The following SYNE1 variants were observed in gnomAD, a reference collection of about 807,000 sequenced individuals.
SYNE1 encodes the protein nesprin-1.
SYNE1 carries 616 observed loss-of-function variants against 1,111.0 expected under a neutral mutation model. The ratio of observed to expected loss-of-function variants is 0.55; its 90% CI spans 0.52 to 0.59. The LOEUF (loss-of-function observed/expected upper bound fraction) is 0.59, where lower values mean the gene tolerates loss of function less well. Ranked by LOEUF, SYNE1 falls within the 20% of genes least tolerant of loss-of-function variation. SYNE1 has a pLI of 0.00. For synonymous variants in SYNE1, 3,855 were observed against 3,825.8 expected (o/e 1.01, Z -0.28); for missense variants, 10,006 against 10,417.0 (o/e 0.96, Z 1.72).
In SYNE1 at chr6:152,362,255, A is replaced by C. The variant is rs1483121853; in HGVS notation, c.10214T>G (p.Met3405Arg). Residue 3405 changes from methionine (M) to arginine (R), a missense_variant, in exon 64 of 146, where the codon ATG becomes AGG. By Grantham distance (91) the Met-to-Arg change is moderately conservative. Transcript: ENST00000367255. Reference sequence around the variant, plus strand: ...ATTCAGGTTGGCTTCCATACTATCCATCCAACCGGAGAACTGTCGAACGCC... The same window carrying C: ...ATTCAGGTTGGCTTCCATACTATCCCTCCAACCGGAGAACTGTCGAACGCC... ...QDGVRQFSGW[M>R]DSMEANLNES... is the part of the protein sequence containing the mutation. 1 of 1,614,188 alleles carries C rather than the reference A, an allele frequency of 6.2e-7. No individual in the cohort carries two copies. The highest frequency in any genetic ancestry group is 8.5e-7 in the Non-Finnish European group (1 of 1,180,042).
rs571144659 is a variant in SYNE1 at position 152,585,889 on chromosome 6, A to G, written c.67+42376T>C. On this transcript the variant is annotated intron_variant, in intron 3 of 145. Coordinates refer to ENST00000367255, the MANE Select transcript of SYNE1 (RefSeq NM_182961.4). ...TATTTAAACCTTTGGTCTGCTTGAA[A>G]TCGCATGTGTTTGTGTTTGTGTGTA... Among the ~76,000 whole-genome samples, 6 of 152,188 alleles carry G rather than the reference A, an allele frequency of 3.9e-5. 1 individual carries two copies. The highest frequency in any genetic ancestry group is 1.4e-4 in the African/African-American group (6 of 41,540).
chr6:152,404,116 T>TATATATATAA, intron 46 of SYNE1, 97 bp downstream of exon 46: 1 of 616,588 alleles, frequency 1.6e-6, no homozygotes, highest in East Asian at 3.4e-5. Context: ...TATATATATA[T>TATATATATAA]ACACACACAC....
At position 152,334,035 on chromosome 6, in the gene SYNE1, A is replaced by C. The variant is rs775066372; in HGVS notation, c.12767T>G (p.Phe4256Cys). 6 of 1,614,086 alleles carry C rather than the reference A, an allele frequency of 3.7e-6. No homozygotes were observed. Among genetic ancestry groups the C allele is most frequent in the South Asian group, 1.1e-5 (1 of 91,062 alleles). The change falls in exon 77 of 146, where the codon TTT becomes TGT. Residue 4256 changes from phenylalanine to cysteine, a missense_variant. Phe to Cys is a radical substitution (Grantham distance 205). This residue lies in a region of SYNE1 where 4,955 missense variants were observed against 5,017.2 expected (regional missense o/e 0.99). Transcript: ENST00000367255. ...MNVVEVFLEK[F>C]TTEWDNLARS... ...GGCCAAGTTATCCCATTCTGTAGTAAATTTTTCTAGGAACACTTCAACAAC... is the reference window on the plus strand; with the variant it reads ...GGCCAAGTTATCCCATTCTGTAGTACATTTTTCTAGGAACACTTCAACAAC...
chr6:152,272,043 C>T (rs564902411), intron 98 of SYNE1, among the ~76,000 whole-genome samples: 1 of 152,200 alleles, frequency 6.6e-6, no homozygotes, highest in Non-Finnish European at 1.5e-5. Context: ...CACTGACAAT[C>T]GAAATGTTAG....
rs1588972565 is a variant in SYNE1 at position 152,262,298 on chromosome 6, T to C, written c.18816-110A>G. ...CTTCTCAAATGAAATAAGATTACCT[T>C]AGTTATTAGCTTACACTTTAAAAAT... On this transcript the variant is annotated intron_variant, in intron 100 of 145. Transcript: ENST00000367255. 5.0e-6 allele frequency: 5 copies of C among 998,028 alleles called. No individual in the cohort carries two copies. The South Asian group carries it at 5.3e-5, about 11-fold the overall frequency. The allele number at this position is 998,028 out of a possible 1,614,324, so 61.8% of individuals were successfully genotyped here.
At position 152,316,995 on chromosome 6, in the gene SYNE1, C is replaced by G. The variant is rs768173115; in HGVS notation, c.16573-9G>C. On this transcript the variant is annotated splice_polypyrimidine_tract_variant and intron_variant, in intron 86 of 145. Coordinates refer to ENST00000367255, the MANE Select transcript of SYNE1 (RefSeq NM_182961.4). The stretch of plus-strand genomic sequence containing the variant: ...TCTAAATGTGATGCTGCCTGAAAAA[C>G]CAGTAACATTAATGTAACAAATGTA... The G allele has an allele frequency of 6.2e-7, 1 of 1,613,646 alleles. No individual in the cohort carries two copies. Among genetic ancestry groups the G allele is most frequent in the East Asian group, 2.2e-5 (1 of 44,856 alleles).
intron 20 of SYNE1, 138 bp from the exon 21 acceptor site, chr6:152,461,878 T>G: frequency 9.1e-7 from 1 of 1,098,464 alleles, no homozygotes; most frequent in Admixed American, 1.9e-5. Context: ...ACGATTCCAG[T>G]TTTTGCTTCC....
chr6:152,384,246 T>C (rs1489295819), intron 55 of SYNE1, among the ~76,000 whole-genome samples: 1 of 152,196 alleles, frequency 6.6e-6, no homozygotes, highest in Non-Finnish European at 1.5e-5. Context: ...TTGGGTTTCT[T>C]TGATTCCAGA....
At chr6:152,203,549 A>T (rs930561665) in intron 126 of SYNE1, among the ~76,000 whole-genome samples, 1 of 152,294 alleles carries the variant, frequency 6.6e-6, no homozygotes, top group South Asian at 2.1e-4. Flanking sequence ...TATGGTGTCA[A>T]ATCATGTTCC....
At chr6:152,127,957 T>C (rs1399979497) in intron 145 of SYNE1, 1 of 152,182 alleles carries the variant, frequency 6.6e-6, no homozygotes, top group East Asian at 1.9e-4. Context: ...TAGTTCTCTG[T>C]AAAGAAGGTG....
At position 152,275,740 on chromosome 6, in the gene SYNE1, G is replaced by C. The variant is rs192153496; in HGVS notation, c.18573+2349C>G. Among the ~76,000 whole-genome samples the C allele has an allele frequency of 1.7e-5, 2 of 118,476 alleles. 1 individual carries two copies. The highest frequency in any genetic ancestry group is 3.3e-5 in the Non-Finnish European group (2 of 60,358). 77.7% of individuals were successfully genotyped at this position (118,476 alleles called of 152,430 possible). A position where few individuals can be genotyped will look rare whatever the true frequency, so the allele number is the denominator to read the frequency against. On this transcript the variant is annotated intron_variant, in intron 98 of 145. Coordinates refer to ENST00000367255, the MANE Select transcript of SYNE1 (RefSeq NM_182961.4). ...TACAAAAAATTAAAAAAATTAGCTA[G>C]GCAGGTGGTGCGCGCCTATAGTCCC...
intron 98 of SYNE1, among the ~76,000 whole-genome samples, chr6:152,276,029 TC>T (rs66806936): frequency 0.1 from 12,046 of 114,890 alleles, 1,084 homozygotes; most frequent in East Asian, 0.27. Context: ...ATTCTCGACT[TC>T]TTTTTTTTTT....
In SYNE1 at chr6:152,236,924, G is replaced by A. The variant is rs1177569963; in HGVS notation, c.20092C>T (p.Gln6698Ter). Residue 6698 changes from glutamine to a stop codon, truncating the protein, a stop_gained, in exon 109 of 146, where the codon CAG (glutamine) becomes TAG (stop). Coordinates refer to ENST00000367255, the MANE Select transcript of SYNE1 (RefSeq NM_182961.4). LOFTEE classifies it high-confidence loss of function. ...TCCAGCTGTCTGCTGAGCTCCTGCTGGTCCTCATCCAGATGGGACCACGTC... is the reference window on the plus strand; with the variant it reads ...TCCAGCTGTCTGCTGAGCTCCTGCTAGTCCTCATCCAGATGGGACCACGTC... ...LETWSHLDED[Q>*]QELSRQLEVV... 6.2e-7 allele frequency: 1 copy of A among 1,614,056 alleles called. No individual in the cohort carries two copies. Among genetic ancestry groups the A allele is most frequent in the South Asian group, 1.1e-5 (1 of 91,066 alleles).
chr6:152,332,173 C>T (rs987489499), intron 77 of SYNE1, among the ~76,000 whole-genome samples: 4 of 152,064 alleles, frequency 2.6e-5, no homozygotes, highest in African/African-American at 9.7e-5. Flanking sequence ...AGGGTTTCAC[C>T]ATGTTGGTCA....
Position 152,334,127 on chromosome 6 carries a change from A to G in SYNE1, c.12675T>C (p.Ser4225=). The change falls in exon 77 of 146, where the codon TCT becomes TCC. Residue 4225 remains serine, a synonymous_variant. Transcript: ENST00000367255. ...NDQWLDLCRQ[S]NNLCLQREED... ...CTTCCCTTTGCAAGCACAGGTTGTT[A>G]GACTGACGGCACAAATCGAGCCACT... The G allele has an allele frequency of 5.0e-6, 8 of 1,614,172 alleles. No individual in the cohort carries two copies. The highest frequency in any genetic ancestry group is 6.8e-6 in the Non-Finnish European group (8 of 1,180,018).
Position 152,247,943 on chromosome 6 carries a change from C to T in SYNE1, c.19572+1218G>A, listed in dbSNP as rs563259733. Among the ~76,000 whole-genome samples the T allele has an allele frequency of 1.4e-4, 22 of 151,730 alleles. No homozygotes were observed. In the East Asian group the frequency reaches 1.9e-3, roughly 13 times the overall value. On this transcript the variant is annotated intron_variant, in intron 105 of 145. Transcript: ENST00000367255. ...TCTATCCATAGATTCCCGGGAAGTT[C>T]GCTGAAATTAAATCAGAGAATTCTA... is the stretch of plus-strand genomic sequence containing the variant.
At chr6:152,482,579 T>C (rs189322070) in intron 14 of SYNE1, among the ~76,000 whole-genome samples, 1 of 152,254 alleles carries the variant, frequency 6.6e-6, no homozygotes, top group Admixed American at 6.5e-5. Context: ...TTATACCATA[T>C]ACAACTGATC....
chr6:152,273,910 A>C (rs2093401860), intron 98 of SYNE1, among the ~76,000 whole-genome samples: 1 of 152,060 alleles, frequency 6.6e-6, no homozygotes, highest in African/African-American at 2.4e-5. Flanking sequence ...GTGAGTGAGG[A>C]TCAGGCCGCC....
Position 152,249,202 on chromosome 6 carries a change from G to T in SYNE1, c.19531C>A (p.Leu6511Met), listed in dbSNP as rs1452896431. ...ACGGGCTGTTCAAACACATTTGCCAGTTTTTGCAGAATGATGTATTTGTTG... is the reference window on the plus strand; with the variant it reads ...ACGGGCTGTTCAAACACATTTGCCATTTTTTGCAGAATGATGTATTTGTTG... ...ADNKYIILQKLANVFEQPVAE... is the reference protein window; with the variant it reads ...ADNKYIILQKMANVFEQPVAE... Residue 6511 changes from leucine (L) to methionine (M), a missense_variant, in exon 105 of 146, where the codon CTG becomes ATG. Physicochemically the swap from Leu to Met is conservative, Grantham distance 15. Transcript: ENST00000367255. The T allele has an allele frequency of 1.9e-6, 3 of 1,614,048 alleles. No individual in the cohort carries two copies. The highest frequency in any genetic ancestry group is 2.5e-6 in the Non-Finnish European group (3 of 1,179,946).
Sources: gnomAD v4.1 joint callset for allele counts (sites outside exome capture counted in the v4.1 genomes callset) on GRCh38, gnomAD v4.1.1 for gene constraint, gnomAD v4.1.1 regional missense constraint, MANE v1.5 for transcripts, NCBI Gene and HGNC (gene_info 2026-07-23, HGNC 2026-07-21) for gene names.